Variants in PPP4R4 observed in about 807,000 individuals in gnomAD.
PPP4R4 encodes serine/threonine-protein phosphatase 4 regulatory subunit 4.
In PPP4R4, 70 loss-of-function variants were observed where a neutral mutation model predicts 121.8. That is an observed-to-expected ratio of 0.57 (90% CI 0.47 to 0.70). The LOEUF is 0.70. Ranked by LOEUF, PPP4R4 falls within the 30% of genes least tolerant of loss-of-function variation. The pLI is 0.00. For missense variants in PPP4R4, 875 were observed against 1,033.6 expected, an observed-to-expected ratio of 0.85 and a Z score of 2.10; for synonymous variants, 348 against 355.7, an observed-to-expected ratio of 0.98 and a Z score of 0.24.
At chr14:94,246,650 A>T in intron 14 of PPP4R4, 111 bp downstream of exon 14, 1 of 1,202,660 alleles carries the variant, frequency 8.3e-7, no homozygotes, top group South Asian at 1.6e-5. Context: ...ATTCCATTCT[A>T]CCTAGGAGGA....
chr14:94,195,600 TG>T (rs1319098829), intron 2 of PPP4R4, among the ~76,000 whole-genome samples: 8 of 152,310 alleles, frequency 5.3e-5, no homozygotes, highest in African/African-American at 1.9e-4. Flanking sequence ...GCAGCTGTCT[TG>T]TGCATTGTAG....
At chr14:94,227,619 C>T in intron 3 of PPP4R4, 1 of 1,203,192 alleles carries the variant, frequency 8.3e-7, no homozygotes, top group Non-Finnish European at 1.0e-6. Context: ...CTAAGTAATA[C>T]AGTAAGAAGA....
At chr14:94,240,609 G>A in intron 8 of PPP4R4, 64 bp from the exon 9 acceptor site, 3 of 1,508,080 alleles carry the variant, frequency 2.0e-6, no homozygotes, top group Non-Finnish European at 2.7e-6. Context: ...GTGTGTATTA[G>A]TTTCCACATG....
At chr14:94,218,299 A>G (rs923949723) in intron 3 of PPP4R4, among the ~76,000 whole-genome samples, 7 of 152,130 alleles carry the variant, frequency 4.6e-5, no homozygotes, top group African/African-American at 7.2e-5. Flanking sequence ...TAAGAAGACC[A>G]GAGGACTCAG....
chr14:94,221,915 C>G (rs1194801949), intron 3 of PPP4R4, among the ~76,000 whole-genome samples: 1 of 152,034 alleles, frequency 6.6e-6, no homozygotes, highest in Non-Finnish European at 1.5e-5. Context: ...TGCAGCTTTA[C>G]TTGTTATAGC....
intron 13 of PPP4R4, among the ~76,000 whole-genome samples, chr14:94,246,154 C>G (rs1449119518): frequency 6.6e-6 from 1 of 152,004 alleles, no homozygotes; most frequent in Non-Finnish European, 1.5e-5. Flanking sequence ...ATTTGGTTCC[C>G]AGGAATCATA....
At chr14:94,250,569 T>TG (rs1391131896) in intron 15 of PPP4R4, among the ~76,000 whole-genome samples, 14 of 152,108 alleles carry the variant, frequency 9.2e-5, no homozygotes, top group African/African-American at 3.1e-4. Flanking sequence ...AACTAAAATA[T>TG]AAATAGAATA....
intron 2 of PPP4R4, among the ~76,000 whole-genome samples, chr14:94,202,046 C>T (rs1890218570): frequency 6.6e-6 from 1 of 151,862 alleles, no homozygotes; most frequent in Non-Finnish European, 1.5e-5. Flanking sequence ...AGTGAAGTAA[C>T]TCAGGAATGG....
At chr14:94,193,453 A>G (rs1055813867) in intron 2 of PPP4R4, among the ~76,000 whole-genome samples, 1 of 152,200 alleles carries the variant, frequency 6.6e-6, no homozygotes, top group African/African-American at 2.4e-5. Context: ...TAAAATTAGT[A>G]TGATAATTAA....
chr14:94,260,006 A>C (rs1192868036), intron 19 of PPP4R4, among the ~76,000 whole-genome samples: 2 of 152,216 alleles, frequency 1.3e-5, no homozygotes, highest in Non-Finnish European at 2.9e-5. Flanking sequence ...TTACAAATAT[A>C]GTTGCTTTGA....
At chr14:94,219,080 C>CTTTTTTTTTTTTTTTTTTTTTTTT (rs71301922) in intron 3 of PPP4R4, among the ~76,000 whole-genome samples, 1 of 106,952 alleles carries the variant, frequency 9.3e-6, no homozygotes, top group African/African-American at 3.5e-5. Context: ...CTTTTCTTTT[C>CTTTTTTTTTTTTTTTTTTTTTTTT]TTTTTTTTTT....
chr14:94,179,545 C>T (rs1018717035), intron 2 of PPP4R4, among the ~76,000 whole-genome samples: 7 of 152,160 alleles, frequency 4.6e-5, no homozygotes, highest in Non-Finnish European at 1.0e-4. Context: ...CACTGTTACT[C>T]AGTTTCATTG....
intron 15 of PPP4R4, among the ~76,000 whole-genome samples, 180 bp from the exon 16 acceptor site, chr14:94,251,569 C>G (rs1595526560): frequency 6.6e-6 from 1 of 152,038 alleles, no homozygotes; most frequent in East Asian, 1.9e-4. Context: ...TTTGAGGTGT[C>G]ATTTTGGGGA....
chr14:94,241,294 C>T (rs77302042), intron 9 of PPP4R4, among the ~76,000 whole-genome samples: 1,686 of 152,026 alleles, frequency 0.011, 34 homozygotes, highest in African/African-American at 0.038. Flanking sequence ...GTTTCTAGCT[C>T]CTTGAGATAG....
chr14:94,254,181 G>A (rs536515217), intron 16 of PPP4R4, among the ~76,000 whole-genome samples: 1 of 152,284 alleles, frequency 6.6e-6, no homozygotes, highest in South Asian at 2.1e-4. Context: ...TCATAGAGAT[G>A]AATCATTACG....
chr14:94,244,594 T>C (rs755645794), intron 11 of PPP4R4, 41 bp from the exon 12 acceptor site: 1 of 1,408,832 alleles, frequency 7.1e-7, no homozygotes, highest in South Asian at 1.3e-5. Flanking sequence ...TGTATCTGTC[T>C]AGTACTCTCA....
At chr14:94,206,113 C>T (rs1890446592) in intron 2 of PPP4R4, among the ~76,000 whole-genome samples, 1 of 151,670 alleles carries the variant, frequency 6.6e-6, no homozygotes, top group African/African-American at 2.4e-5. Flanking sequence ...TCTTTTCAGT[C>T]TCATCAGTTT....
At chr14:94,257,453 A>G (rs914041664) in intron 17 of PPP4R4, among the ~76,000 whole-genome samples, 4 of 152,094 alleles carry the variant, frequency 2.6e-5, no homozygotes, top group African/African-American at 9.7e-5. Context: ...ATGGTGAGAA[A>G]AGAGAGAATT....
chr14:94,253,908 T>A (rs1318838229), intron 16 of PPP4R4, among the ~76,000 whole-genome samples: 2 of 152,162 alleles, frequency 1.3e-5, no homozygotes, highest in African/African-American at 4.8e-5. Flanking sequence ...GCAGATAGAA[T>A]GAAAGCCATC....
Sources: allele counts gnomAD v4.1 joint callset (sites outside exome capture counted in the v4.1 genomes callset), GRCh38; gene constraint gnomAD v4.1.1; transcripts MANE v1.5; gene names NCBI Gene and HGNC (gene_info 2026-07-23, HGNC 2026-07-21).